The following EEIG1 variants were observed in gnomAD, a reference collection of about 807,000 sequenced individuals.
The protein encoded by EEIG1 is early estrogen-induced gene 1 protein.
At chr9:127,979,410 G>A in the EEIG1 span, among the ~76,000 whole-genome samples, 2 of 152,226 alleles carry the variant, frequency 1.3e-5, no homozygotes, top group African/African-American at 4.8e-5. Flanking sequence ...CAAACTCAAC[G>A]GAGCCTCTTT....
At chr9:127,953,538 A>AT in the EEIG1 span, 1 of 1,604,944 alleles carries the variant, frequency 6.2e-7, no homozygotes, top group South Asian at 1.1e-5. Context: ...GCCACCCCCC[A>AT]TTCCATCCCA....
the EEIG1 span, among the ~76,000 whole-genome samples, chr9:127,978,244 C>G: frequency 1.3e-5 from 2 of 152,214 alleles, no homozygotes; most frequent in African/African-American, 4.8e-5. Flanking sequence ...TCCCCTCCTC[C>G]CAGCAGAGTG....
chr9:127,976,018 C>A, the EEIG1 span, among the ~76,000 whole-genome samples: 21 of 152,342 alleles, frequency 1.4e-4, 1 homozygote, highest in South Asian at 4.3e-3. The surrounding 1 kb of genome is among the most constrained non-coding windows in gnomAD (Gnocchi z 4.1). Context: ...CAGCCCCACC[C>A]CCTGAAAGGT....
chr9:127,944,386 G>A, the EEIG1 span: 3 of 595,652 alleles, frequency 5.0e-6, no homozygotes, highest in African/African-American at 5.6e-5. Context: ...TGAACTGTGG[G>A]AAACCACCGA....
chr9:127,951,537 G>A, the EEIG1 span, among the ~76,000 whole-genome samples: 2 of 152,238 alleles, frequency 1.3e-5, no homozygotes, highest in Non-Finnish European at 2.9e-5. Flanking sequence ...GTTCACAGAG[G>A]CCGGGCGCGG....
chr9:127,944,298 G>A, the EEIG1 span: 3 of 467,044 alleles, frequency 6.4e-6, no homozygotes, highest in Admixed American at 3.9e-5. Context: ...GAAGTAGAAG[G>A]GAGGGTTCTA....
At chr9:127,944,332 C>A in the EEIG1 span, 3 of 558,248 alleles carry the variant, frequency 5.4e-6, no homozygotes, top group South Asian at 4.4e-5. Context: ...GAGGCCCCTG[C>A]CATGTGCTGA....
the EEIG1 span, among the ~76,000 whole-genome samples, chr9:127,974,792 C>T: frequency 6.6e-6 from 1 of 152,224 alleles, no homozygotes; most frequent in Non-Finnish European, 1.5e-5. Context: ...TCATGATCAC[C>T]TCCAGAAGCC....
chr9:127,954,654 CCAGT>C, the EEIG1 span, among the ~76,000 whole-genome samples: 2 of 152,152 alleles, frequency 1.3e-5, no homozygotes, highest in African/African-American at 2.4e-5. Flanking sequence ...AGCTCAATCC[CCAGT>C]CAAAGAAACT....
chr9:127,964,324 G>A, the EEIG1 span, among the ~76,000 whole-genome samples: 1 of 152,336 alleles, frequency 6.6e-6, no homozygotes, highest in East Asian at 1.9e-4. Context: ...CACATCCCCA[G>A]CACCTGGCCC....
At chr9:127,979,626 C>T in the EEIG1 span, among the ~76,000 whole-genome samples, 1 of 152,358 alleles carries the variant, frequency 6.6e-6, no homozygotes, top group Admixed American at 6.5e-5. Context: ...ACTCTTGAAT[C>T]ATATGACAGC....
At chr9:127,951,015 C>T in the EEIG1 span, among the ~76,000 whole-genome samples, 16 of 152,242 alleles carry the variant, frequency 1.1e-4, no homozygotes, top group East Asian at 1.5e-3. Context: ...CCAGGGAAGG[C>T]GCCCTGGTAG....
chr9:127,963,515 C>T, the EEIG1 span, among the ~76,000 whole-genome samples: 1 of 152,256 alleles, frequency 6.6e-6, no homozygotes, highest in Non-Finnish European at 1.5e-5. Flanking sequence ...GCCCTGCACC[C>T]ACCACAGCCA....
chr9:127,959,778 G>T, the EEIG1 span, among the ~76,000 whole-genome samples: 3 of 152,192 alleles, frequency 2.0e-5, no homozygotes, highest in Non-Finnish European at 2.9e-5. Flanking sequence ...GGGACTGTGA[G>T]TCAATTAAAC....
chr9:127,950,604 A>G, the EEIG1 span: 1 of 1,584,470 alleles, frequency 6.3e-7, no homozygotes, highest in Non-Finnish European at 8.6e-7. Flanking sequence ...GCGGAAGCCC[A>G]GAAGGGTAAC....
At chr9:127,948,001 C>A in the EEIG1 span, 50 of 1,522,908 alleles carry the variant, frequency 3.3e-5, no homozygotes, top group Non-Finnish European at 4.4e-5. Flanking sequence ...CCCTGGGGAC[C>A]TGGGCATGAC....
the EEIG1 span, among the ~76,000 whole-genome samples, chr9:127,952,203 T>C: frequency 6.6e-6 from 1 of 152,250 alleles, no homozygotes; most frequent in Non-Finnish European, 1.5e-5. Flanking sequence ...AGCCATACTG[T>C]CCTCTGCTTC....
the EEIG1 span, among the ~76,000 whole-genome samples, chr9:127,955,066 G>A: frequency 6.6e-6 from 1 of 152,214 alleles, no homozygotes; most frequent in Admixed American, 6.5e-5. Context: ...CCCGTGCTCA[G>A]GAAGGGGTGG....
At chr9:127,944,948 G>A in the EEIG1 span, 1 of 1,583,212 alleles carries the variant, frequency 6.3e-7, no homozygotes, top group Admixed American at 1.7e-5. Context: ...GCAGTAACAG[G>A]TACAAGCACA....
Sources: gnomAD v4.1 joint callset for allele counts (sites outside exome capture counted in the v4.1 genomes callset) on GRCh38, gnomAD v4.1.1 for gene constraint, Gnocchi (gnomAD v3.1) non-coding constraint, MANE v1.5 for transcripts, NCBI Gene and HGNC (gene_info 2026-07-23, HGNC 2026-07-21) for gene names.